The following SLC24A3 variants were observed in gnomAD, a reference collection of about 807,000 sequenced individuals.
SLC24A3 encodes the protein sodium/potassium/calcium exchanger 3.
SLC24A3 carries 28 observed loss-of-function variants against 75.8 expected under a neutral mutation model. The ratio of observed to expected loss-of-function variants is 0.37; its 90% CI spans 0.27 to 0.51. The LOEUF (loss-of-function observed/expected upper bound fraction) is 0.51, where lower values mean the gene tolerates loss of function less well. Ranked by LOEUF, SLC24A3 falls within the 20% of genes least tolerant of loss-of-function variation. The probability of loss-of-function intolerance (pLI) is 0.94; values close to 1 mark genes in which losing one functional copy is unlikely to be tolerated. For missense variants in SLC24A3, 663 were observed against 847.8 expected (o/e 0.78, Z 2.71); for synonymous variants, 372 against 334.1 (o/e 1.11, Z -1.24).
At chr20:19,539,884 T>A (rs2030465625) in intron 3 of SLC24A3, among the ~76,000 whole-genome samples, 1 of 152,226 alleles carries the variant, frequency 6.6e-6, no homozygotes, top group Non-Finnish European at 1.5e-5. Context: ...CATGCCTGTG[T>A]GTTCAGCTTC....
chr20:19,362,937 A>G (rs1985818160), intron 2 of SLC24A3, among the ~76,000 whole-genome samples: 1 of 152,262 alleles, frequency 6.6e-6, no homozygotes, highest in Admixed American at 6.5e-5. Flanking sequence ...GAAATCACTC[A>G]GCAAACTTGC....
intron 2 of SLC24A3, among the ~76,000 whole-genome samples, chr20:19,405,902 A>C (rs552967748): frequency 2.0e-4 from 31 of 152,338 alleles, no homozygotes; most frequent in African/African-American, 7.5e-4. Context: ...CGGATTTGGA[A>C]ATGTATTCAT....
At chr20:19,474,656 T>C (rs988696500) in intron 2 of SLC24A3, among the ~76,000 whole-genome samples, 6 of 152,210 alleles carry the variant, frequency 3.9e-5, no homozygotes, top group African/African-American at 1.4e-4. Flanking sequence ...TGTTTTGATA[T>C]ATGTGTATAT....
At chr20:19,637,417 G>A (rs1230701396) in intron 6 of SLC24A3, among the ~76,000 whole-genome samples, 2 of 152,208 alleles carry the variant, frequency 1.3e-5, no homozygotes, top group African/African-American at 4.8e-5. Flanking sequence ...AGACTTGAGA[G>A]ACATACGGAA....
At chr20:19,500,836 A>G (rs187131575) in intron 2 of SLC24A3, among the ~76,000 whole-genome samples, 6 of 152,316 alleles carry the variant, frequency 3.9e-5, no homozygotes, top group Admixed American at 3.3e-4. Context: ...AGGAGGTATT[A>G]GTATCTTTGA....
chr20:19,503,796 A>G (rs181805867), intron 2 of SLC24A3, among the ~76,000 whole-genome samples: 1 of 152,358 alleles, frequency 6.6e-6, no homozygotes, highest in Admixed American at 6.5e-5. Context: ...AATCAAGCTA[A>G]AGATTAAAGA....
intron 3 of SLC24A3, among the ~76,000 whole-genome samples, chr20:19,545,715 G>A (rs1378973397): frequency 6.6e-6 from 1 of 152,178 alleles, no homozygotes; most frequent in African/African-American, 2.4e-5. Context: ...TGCAATGACT[G>A]GTTTGGAGGC....
rs369587050 is a variant in SLC24A3, at chr20:19,392,769, C to T, written c.271+111682C>T. 3.9e-5 allele frequency among the ~76,000 whole-genome samples: 6 copies of T among 152,276 alleles called. No individual in the cohort carries two copies. In the East Asian group the frequency reaches 9.6e-4, roughly 24 times the overall value. The stretch of plus-strand genomic sequence containing the variant: ...TGTAACATACAGATCTGTCATGCAT[C>T]TTCATTTCAGATGACAAATGTGAGT... On this transcript the variant is annotated intron_variant, in intron 2 of 16. Coordinates refer to ENST00000328041, the MANE Select transcript of SLC24A3 (RefSeq NM_020689.4).
chr20:19,448,459 C>T (rs898989503), intron 2 of SLC24A3, among the ~76,000 whole-genome samples: 6 of 152,208 alleles, frequency 3.9e-5, no homozygotes, highest in Admixed American at 3.9e-4. Flanking sequence ...GCCTCGTCCG[C>T]CTGACTTCAA....
intron 7 of SLC24A3, among the ~76,000 whole-genome samples, chr20:19,661,104 A>G (rs934646044): frequency 3.9e-5 from 6 of 152,280 alleles, no homozygotes; most frequent in Non-Finnish European, 5.9e-5. Context: ...AACTGTAGCT[A>G]TGTGCTTGAT....
At chr20:19,620,452 T>C (rs2031788981) in intron 6 of SLC24A3, among the ~76,000 whole-genome samples, 1 of 152,272 alleles carries the variant, frequency 6.6e-6, no homozygotes, top group East Asian at 1.9e-4. Context: ...GATTAGGCGT[T>C]ATTAAGAGAA....
At chr20:19,231,559 G>C (rs186586682) in intron 1 of SLC24A3, among the ~76,000 whole-genome samples, 6 of 152,296 alleles carry the variant, frequency 3.9e-5, no homozygotes, top group Non-Finnish European at 7.3e-5. Flanking sequence ...GCCAAGGAAT[G>C]GGGGGTGCCT....
chr20:19,595,333 G>T (rs1273369188), intron 6 of SLC24A3, among the ~76,000 whole-genome samples: 2 of 152,312 alleles, frequency 1.3e-5, no homozygotes, highest in East Asian at 1.9e-4. Context: ...TATGGTAAGG[G>T]CTGAAGCATC....
In SLC24A3 at chr20:19,693,292, C is replaced by T. The variant is rs369179659; in HGVS notation, c.1358C>T (p.Thr453Ile). 2.5e-6 allele frequency: 4 copies of T among 1,613,684 alleles called. No individual in the cohort carries two copies. The Admixed American group carries it at 5.0e-5, about 20-fold the overall frequency. Residue 453 changes from threonine to isoleucine, a missense_variant, in exon 13 of 17, where the codon ACC becomes ATC. Physicochemically the swap from Thr to Ile is moderately conservative, Grantham distance 89. Coordinates refer to ENST00000328041, the MANE Select transcript of SLC24A3 (RefSeq NM_020689.4). ...CTGGAAACAGTGAAATGGGCGTTCA[C>T]CTGGCCGCTGAGTTTCGTCTTATAC... ...GKLETVKWAF[T>I]WPLSFVLYFT...
intron 6 of SLC24A3, among the ~76,000 whole-genome samples, chr20:19,624,506 A>G (rs753486489): frequency 6.6e-6 from 1 of 152,204 alleles, no homozygotes; most frequent in Non-Finnish European, 1.5e-5. Context: ...ACAAAATAGC[A>G]GCGGCTACTC....
chr20:19,532,318 A>G (rs1568646767), intron 3 of SLC24A3, among the ~76,000 whole-genome samples: 1 of 152,134 alleles, frequency 6.6e-6, no homozygotes, highest in Non-Finnish European at 1.5e-5. Context: ...GCAGCCCTCC[A>G]TGTCCAGACC....
chr20:19,490,785 A>G (rs182115470), intron 2 of SLC24A3, among the ~76,000 whole-genome samples: 26 of 152,226 alleles, frequency 1.7e-4, no homozygotes, highest in Admixed American at 1.6e-3. Context: ...TAGGGGGCAA[A>G]TGGGGACTTA....
intron 3 of SLC24A3, among the ~76,000 whole-genome samples, chr20:19,566,417 C>A (rs745961692): frequency 6.6e-6 from 1 of 152,194 alleles, no homozygotes; most frequent in Non-Finnish European, 1.5e-5. Context: ...TTCCTGTGGG[C>A]AGTTGAGGTC....
chr20:19,658,964 A>G (rs530519234), intron 7 of SLC24A3, among the ~76,000 whole-genome samples: 1 of 152,346 alleles, frequency 6.6e-6, no homozygotes, highest in African/African-American at 2.4e-5. Context: ...AATTTACATA[A>G]TGAGGTAATT....
Sources: allele counts gnomAD v4.1 joint callset (sites outside exome capture counted in the v4.1 genomes callset), GRCh38; gene constraint gnomAD v4.1.1; transcripts MANE v1.5; gene names NCBI Gene and HGNC (gene_info 2026-07-23, HGNC 2026-07-21).